Variants in TBC1D19 observed in about 807,000 individuals in gnomAD.
TBC1D19 encodes TBC1 domain family, member 19.
A neutral mutation model predicts 89.0 loss-of-function variants in TBC1D19; 60 were observed. The observed-to-expected ratio is 0.67, with a 90% CI of 0.55 to 0.84. The LOEUF (loss-of-function observed/expected upper bound fraction) is 0.84. Ranked by LOEUF, TBC1D19 falls within the 40% of genes least tolerant of loss-of-function variation. TBC1D19 has a pLI of 0.00. For missense variants in TBC1D19, 500 were observed against 610.8 expected, an observed-to-expected ratio of 0.82 and a Z score of 1.91; for synonymous variants, 189 against 199.7, an observed-to-expected ratio of 0.95 and a Z score of 0.45.
At chr4:26,704,313 CGTAA>C (rs990859049) in intron 13 of TBC1D19, among the ~76,000 whole-genome samples, 2 of 150,068 alleles carry the variant, frequency 1.3e-5, no homozygotes, top group African/African-American at 5.1e-5. Context: ...TCACAAACTA[CGTAA>C]GTTAACATAT....
chr4:26,767,411 T>G, the TBC1D19 span, among the ~76,000 whole-genome samples: 1 of 152,186 alleles, frequency 6.6e-6, no homozygotes, highest in East Asian at 1.9e-4. Context: ...CGAGATGGAC[T>G]GAGTGTTTAT....
intron 11 of TBC1D19, among the ~76,000 whole-genome samples, chr4:26,682,148 A>G (rs1446458817): frequency 1.3e-5 from 2 of 152,180 alleles, no homozygotes; most frequent in African/African-American, 4.8e-5. Context: ...TAGCTTTTGC[A>G]TTACTCTACT....
At chr4:26,820,195 T>A in the TBC1D19 span, among the ~76,000 whole-genome samples, 5 of 152,244 alleles carry the variant, frequency 3.3e-5, no homozygotes, top group Non-Finnish European at 5.9e-5. Context: ...TCTATGCTTT[T>A]AGCAATTATG....
At chr4:26,591,128 T>C (rs1247064512) in intron 1 of TBC1D19, among the ~76,000 whole-genome samples, 1 of 152,072 alleles carries the variant, frequency 6.6e-6, no homozygotes, top group African/African-American at 2.4e-5. Flanking sequence ...TTTAAGAATG[T>C]CATATAGTTG....
At chr4:26,640,811 G>A (rs1384750133) in intron 7 of TBC1D19, among the ~76,000 whole-genome samples, 1 of 152,146 alleles carries the variant, frequency 6.6e-6, no homozygotes, top group Non-Finnish European at 1.5e-5. Flanking sequence ...CTTCTAGTCC[G>A]AGATCAAACT....
At chr4:26,582,933 T>C (rs1367826227), upstream of TBC1D19, among the ~76,000 whole-genome samples, 1 of 152,212 alleles carries the variant, frequency 6.6e-6, no homozygotes, top group Non-Finnish European at 1.5e-5. Context: ...ATTCAGAATG[T>C]AGTCTTTGGA....
the TBC1D19 span, among the ~76,000 whole-genome samples, chr4:26,813,145 G>T: frequency 6.6e-6 from 1 of 152,144 alleles, no homozygotes; most frequent in East Asian, 1.9e-4. Flanking sequence ...ATTTGAGCCC[G>T]GGAGGTTGAG....
chr4:26,726,126 A>AACACACACAC (rs56262902), intron 15 of TBC1D19, among the ~76,000 whole-genome samples: 2 of 127,092 alleles, frequency 1.6e-5, no homozygotes, highest in Admixed American at 7.9e-5. Context: ...CAATTCTCCC[A>AACACACACAC]ACACACACAC....
At chr4:26,680,202 A>G (rs1212131120) in intron 11 of TBC1D19, among the ~76,000 whole-genome samples, 2 of 152,090 alleles carry the variant, frequency 1.3e-5, no homozygotes, top group African/African-American at 2.4e-5. Flanking sequence ...TCCTTTACAA[A>G]TTACCCAGTC....
chr4:26,849,201 A>AACACAC, the TBC1D19 span, among the ~76,000 whole-genome samples: 128 of 149,280 alleles, frequency 8.6e-4, no homozygotes, highest in East Asian at 0.016. Flanking sequence ...CACACACACA[A>AACACAC]ACACACACAC....
the TBC1D19 span, among the ~76,000 whole-genome samples, chr4:26,834,198 AC>A: frequency 7.9e-5 from 12 of 152,126 alleles, no homozygotes; most frequent in African/African-American, 2.7e-4. Flanking sequence ...TGCTTCCTGT[AC>A]AGCCTGCAGA....
intron 13 of TBC1D19, among the ~76,000 whole-genome samples, chr4:26,712,195 T>C (rs927874570): frequency 3.0e-4 from 46 of 152,224 alleles, no homozygotes; most frequent in African/African-American, 1.1e-3. Context: ...TATATGTTTA[T>C]TGTTGTATTT....
chr4:26,794,312 G>A, the TBC1D19 span, among the ~76,000 whole-genome samples: 1 of 151,834 alleles, frequency 6.6e-6, no homozygotes, highest in East Asian at 1.9e-4. Context: ...ATTATAAGGT[G>A]AAATTAGTAA....
the TBC1D19 span, among the ~76,000 whole-genome samples, chr4:26,802,685 T>C: frequency 6.6e-6 from 1 of 152,220 alleles, no homozygotes; most frequent in East Asian, 1.9e-4. Flanking sequence ...TATGAAATAA[T>C]GGCATATACT....
chr4:26,843,413 T>C, the TBC1D19 span, among the ~76,000 whole-genome samples: 8 of 151,954 alleles, frequency 5.3e-5, no homozygotes, highest in South Asian at 2.1e-4. Flanking sequence ...GTATCAGAGG[T>C]TGGGATTCAA....
At chr4:26,690,173 A>C (rs1334934608) in intron 13 of TBC1D19, among the ~76,000 whole-genome samples, 1 of 152,172 alleles carries the variant, frequency 6.6e-6, no homozygotes, top group Non-Finnish European at 1.5e-5. Flanking sequence ...AAGGCCCTAA[A>C]TCTCTTCAAT....
the TBC1D19 span, among the ~76,000 whole-genome samples, chr4:26,766,844 T>A: frequency 6.6e-6 from 1 of 152,168 alleles, no homozygotes; most frequent in Non-Finnish European, 1.5e-5. Context: ...TTAAATGAGA[T>A]AATGCATATA....
At chr4:26,615,689 T>C (rs959037762) in intron 3 of TBC1D19, among the ~76,000 whole-genome samples, 4 of 152,170 alleles carry the variant, frequency 2.6e-5, no homozygotes, top group African/African-American at 9.6e-5. Context: ...CTCAAATCCA[T>C]CTTCCCAGTT....
At chr4:26,576,938 G>A (rs774187843) in intron 1 of TBC1D19, 20 of 439,914 alleles carry the variant, frequency 4.5e-5, no homozygotes, top group Non-Finnish European at 6.0e-5. Context: ...TAATCTAGGT[G>A]TTGCTATAAA....
Sources: allele counts gnomAD v4.1 joint callset (sites outside exome capture counted in the v4.1 genomes callset), GRCh38; gene constraint gnomAD v4.1.1; transcripts MANE v1.5; gene names NCBI Gene and HGNC (gene_info 2026-07-23, HGNC 2026-07-21).